Variants in PDE4D observed in about 807,000 individuals in gnomAD.
PDE4D encodes the protein phosphodiesterase 4D.
Under a neutral mutation model 87.4 loss-of-function variants are expected in PDE4D, and 24 were observed. The ratio of observed to expected loss-of-function variants is 0.27; its 90% CI spans 0.20 to 0.39. PDE4D has a LOEUF of 0.39. Among genes scored for constraint, PDE4D ranks in the 10% least tolerant of loss-of-function variants. The pLI is 1.00. For missense variants in PDE4D, 714 were observed against 1,041.0 expected (o/e 0.69, Z 4.32); for synonymous variants, 384 against 383.2 (o/e 1.00, Z -0.02).
Position 59,573,912 on chromosome 5 carries a change from C to T in PDE4D, c.455+319256G>A, listed in dbSNP as rs1822312252. Among the ~76,000 whole-genome samples the T allele has an allele frequency of 4.1e-5, 6 of 147,526 alleles. 1 individual carries two copies. In the South Asian group the frequency reaches 6.4e-4, roughly 16 times the overall value. On this transcript the variant is annotated intron_variant, in intron 1 of 14. Coordinates refer to ENST00000340635, the MANE Select transcript of PDE4D (RefSeq NM_001104631.2). ...ACTCGGGAGGCTGAGCTAGGAGAAC[C>T]GCTTGAAACTGGGAGGCAGAGGTTG...
intron 1 of PDE4D, among the ~76,000 whole-genome samples, chr5:59,470,778 T>C (rs142773320): frequency 9.2e-5 from 14 of 152,282 alleles, no homozygotes; most frequent in African/African-American, 3.4e-4. Context: ...TTTAAAAGGA[T>C]AAAAATGTAC....
chr5:59,227,125 C>T (rs1753956762), intron 1 of PDE4D, among the ~76,000 whole-genome samples: 1 of 152,128 alleles, frequency 6.6e-6, no homozygotes, highest in South Asian at 2.1e-4. Context: ...CAATCTTTCA[C>T]TTTCTAAGAT....
chr5:59,754,238 G>C (rs1028459732), intron 1 of PDE4D, among the ~76,000 whole-genome samples: 2 of 152,168 alleles, frequency 1.3e-5, no homozygotes, highest in African/African-American at 4.8e-5. Flanking sequence ...GCTGAGGCAG[G>C]AGAATTGCTT....
At chr5:59,488,400 A>G (rs1209026835) in intron 1 of PDE4D, among the ~76,000 whole-genome samples, 1 of 152,200 alleles carries the variant, frequency 6.6e-6, no homozygotes, top group South Asian at 2.1e-4. Context: ...GAATACAGCT[A>G]TTTAATCTAT....
rs368732366 is a variant in PDE4D at position 59,857,390 on chromosome 5, A to G, written c.455+35778T>C. On this transcript the variant is annotated intron_variant, in intron 1 of 14. Transcript: ENST00000340635. Reference sequence around the variant, plus strand: ...CCTAACTCCAGATAAGTCATTTTTTATTCCTCTTTTCAAGATGCTAGCTCC... The same window carrying G: ...CCTAACTCCAGATAAGTCATTTTTTGTTCCTCTTTTCAAGATGCTAGCTCC... 7.2e-5 allele frequency among the ~76,000 whole-genome samples: 11 copies of G among 152,214 alleles called. No homozygotes were observed. The South Asian group carries it at 2.1e-3, about 29-fold the overall frequency.
chr5:59,508,778 T>C (rs962389122), intron 1 of PDE4D, among the ~76,000 whole-genome samples: 1 of 152,048 alleles, frequency 6.6e-6, no homozygotes, highest in Non-Finnish European at 1.5e-5. Context: ...AAATTGAATG[T>C]CTAATAACTG....
At chr5:59,200,126 T>C (rs1444829580) in intron 2 of PDE4D, among the ~76,000 whole-genome samples, 1 of 150,852 alleles carries the variant, frequency 6.6e-6, no homozygotes, top group African/African-American at 2.4e-5. Context: ...TACATGCATG[T>C]AGACATACAT....
At chr5:60,494,855 G>A (rs976833449) in intron 1 of PDE4D, among the ~76,000 whole-genome samples, 1 of 152,178 alleles carries the variant, frequency 6.6e-6, no homozygotes, top group African/African-American at 2.4e-5. Flanking sequence ...GTCTTTCTGG[G>A]CCCTAGGGAA....
In PDE4D at chr5:60,276,446, A is replaced by G. The variant is rs769398208; in HGVS notation, c.-89-90759T>C. On this transcript the variant is annotated intron_variant, in intron 1 of 16. Transcript: ENST00000502484. ...GTTTATATGTATATAGTGAACTGTA[A>G]CCTAACAGGGTGTGTAAATAGACAG... Among the ~76,000 whole-genome samples, 86 of 152,238 alleles carry G rather than the reference A, an allele frequency of 5.6e-4. 2 individuals are homozygous for G. Among genetic ancestry groups the G allele is most frequent in the Admixed American group, 3.4e-3 (52 of 15,278 alleles).
intron 1 of PDE4D, among the ~76,000 whole-genome samples, chr5:59,702,422 G>A (rs558152355): frequency 6.6e-6 from 1 of 152,102 alleles, no homozygotes; most frequent in South Asian, 2.1e-4. Context: ...CACTGCGCCT[G>A]GCCAATTATT....
At chr5:59,969,027 A>G (rs1760402748) in intron 3 of PDE4D, among the ~76,000 whole-genome samples, 1 of 144,992 alleles carries the variant, frequency 6.9e-6, no homozygotes, top group African/African-American at 2.5e-5. Context: ...ATCTTGATAT[A>G]ATATGTAGTT....
intron 6 of PDE4D, among the ~76,000 whole-genome samples, chr5:59,030,548 G>A (rs1294522103): frequency 1.3e-5 from 2 of 151,602 alleles, no homozygotes; most frequent in African/African-American, 4.8e-5. Context: ...AGACAAGCCT[G>A]GGCAAAATAG....
At chr5:59,925,300 T>C (rs1430503619) in intron 3 of PDE4D, among the ~76,000 whole-genome samples, 13 of 152,144 alleles carry the variant, frequency 8.5e-5, no homozygotes, top group Admixed American at 8.5e-4. Context: ...TGTCGTCAGC[T>C]TAAAATAATC....
At chr5:59,391,975 T>A (rs911182121) in intron 1 of PDE4D, among the ~76,000 whole-genome samples, 1 of 148,730 alleles carries the variant, frequency 6.7e-6, no homozygotes, top group Non-Finnish European at 1.5e-5. Flanking sequence ...ATATATATAA[T>A]ATATAAATTA....
chr5:58,997,430 G>A (rs1345353010), intron 6 of PDE4D, among the ~76,000 whole-genome samples: 1 of 152,068 alleles, frequency 6.6e-6, no homozygotes, highest in Non-Finnish European at 1.5e-5. Flanking sequence ...AAAGGGGGAA[G>A]GACTGATTTA....
At position 60,337,388 on chromosome 5, in the gene PDE4D, T is replaced by TATATATACACAC. The variant is rs66871903; in HGVS notation, c.-90+150553_-90+150554insGTGTGTATATAT. On this transcript the variant is annotated intron_variant, in intron 1 of 16. Transcript: ENST00000502484. ...ATATATATATATATATATATATATATACACACACACACACACACATATATC... is the reference window on the plus strand; with the variant it reads ...ATATATATATATATATATATATATATATATATACACACACACACACACACACACACATATATC... Among the ~76,000 whole-genome samples, 400 of 89,232 alleles carry TATATATACACAC rather than the reference T, an allele frequency of 4.5e-3. 1 individual carries two copies. Among genetic ancestry groups the TATATATACACAC allele is most frequent in the South Asian group, 0.01 (17 of 1,642 alleles). 58.5% of individuals were successfully genotyped at this position (89,232 alleles called of 152,430 possible).
At chr5:59,620,319 T>A (rs1323603665) in intron 1 of PDE4D, among the ~76,000 whole-genome samples, 1 of 152,190 alleles carries the variant, frequency 6.6e-6, no homozygotes, top group African/African-American at 2.4e-5. Flanking sequence ...ACAGGTGGAT[T>A]AATCCTGGCT....
chr5:60,366,043 CAAAAAAA>C (rs201694311), intron 1 of PDE4D, among the ~76,000 whole-genome samples: 1,725 of 70,726 alleles, frequency 0.024, 58 homozygotes, highest in East Asian at 0.2. Context: ...GACTCTGTCT[CAAAAAAA>C]AAAAAAAAAA....
At chr5:60,159,116 C>G (rs1582908132) in intron 2 of PDE4D, among the ~76,000 whole-genome samples, 1 of 152,226 alleles carries the variant, frequency 6.6e-6, no homozygotes, top group East Asian at 1.9e-4. Context: ...AAAACTAAGA[C>G]AGAAACCCAT....
Sources: gnomAD v4.1 joint callset for allele counts (sites outside exome capture counted in the v4.1 genomes callset) on GRCh38, gnomAD v4.1.1 for gene constraint, MANE v1.5 for transcripts, NCBI Gene and HGNC (gene_info 2026-07-23, HGNC 2026-07-21) for gene names.